The following TREML2 variants were observed in gnomAD, a reference collection of about 807,000 sequenced individuals.
The protein encoded by TREML2 is triggering receptor expressed on myeloid cells like 2, also known as trem-like transcript 2 protein.
TREML2 carries 24 observed loss-of-function variants against 25.9 expected under a neutral mutation model. The ratio of observed to expected loss-of-function variants is 0.93; its 90% CI spans 0.67 to 1.30. The LOEUF (loss-of-function observed/expected upper bound fraction) is 1.30. Ranked by LOEUF, TREML2 falls within the 50% of genes most tolerant of loss-of-function variation. The pLI is 0.00. For missense variants in TREML2, 359 were observed against 395.6 expected, an observed-to-expected ratio of 0.91 and a Z score of 0.78; for synonymous variants, 139 against 155.2, an observed-to-expected ratio of 0.90 and a Z score of 0.77.
At chr6:41,195,238 G>A (rs896386037) in intron 2 of TREML2, among the ~76,000 whole-genome samples, 7 of 152,272 alleles carry the variant, frequency 4.6e-5, no homozygotes, top group African/African-American at 1.7e-4. Context: ...CAGAGATGAG[G>A]ACAAGGAGGC....
In TREML2 at chr6:41,191,421, T is replaced by C. The variant is rs1450217422; in HGVS notation, c.*1006A>G. The C allele has an allele frequency of 6.6e-6, 1 of 152,268 alleles. No individual in the cohort carries two copies. Among genetic ancestry groups the C allele is most frequent in the Non-Finnish European group, 1.5e-5 (1 of 68,162 alleles). 9.4% of individuals were successfully genotyped at this position (152,268 alleles called of 1,614,324 possible). On this transcript the variant is annotated 3_prime_UTR_variant, in exon 5 of 5. Coordinates refer to ENST00000483722, the MANE Select transcript of TREML2 (RefSeq NM_024807.4). ...GCCAGTCCTCCAGGCCGTGGTCAGTTCCAAGTTACTGTCTTCACTGTGTCC... is the reference window on the plus strand; with the variant it reads ...GCCAGTCCTCCAGGCCGTGGTCAGTCCCAAGTTACTGTCTTCACTGTGTCC...
At chr6:41,196,582 A>G (rs982457649) in intron 2 of TREML2, among the ~76,000 whole-genome samples, 3 of 152,216 alleles carry the variant, frequency 2.0e-5, no homozygotes, top group African/African-American at 7.2e-5. Context: ...TATAGTATAA[A>G]GCTCAGTGGT....
intron 2 of TREML2, among the ~76,000 whole-genome samples, chr6:41,196,521 T>C (rs896622574): frequency 6.6e-6 from 1 of 152,234 alleles, no homozygotes; most frequent in African/African-American, 2.4e-5. Context: ...GGAGAGCTTT[T>C]AGATCTTGAT....
intron 2 of TREML2, among the ~76,000 whole-genome samples, chr6:41,195,435 G>A (rs1582097227): frequency 6.6e-6 from 1 of 152,306 alleles, no homozygotes; most frequent in East Asian, 1.9e-4. Context: ...GAGGAGCTGT[G>A]AGGCATCAAC....
rs140536493 is a variant in TREML2, at chr6:41,196,970, C to T, written c.376+1139G>A. 4.4e-3 allele frequency among the ~76,000 whole-genome samples: 663 copies of T among 152,292 alleles called. 1 individual carries two copies. The highest frequency in any genetic ancestry group is 6.2e-3 in the Non-Finnish European group (423 of 68,022). On this transcript the variant is annotated intron_variant, in intron 2 of 4. Coordinates refer to ENST00000483722, the MANE Select transcript of TREML2 (RefSeq NM_024807.4). ...TAGCTCCTCTTTCAGATTTACCCTACGCTATCAATGGTACCATCATCCACC... is the reference window on the plus strand; with the variant it reads ...TAGCTCCTCTTTCAGATTTACCCTATGCTATCAATGGTACCATCATCCACC...
chr6:41,199,785 G>A (rs1245252533), intron 1 of TREML2, among the ~76,000 whole-genome samples: 1 of 152,170 alleles, frequency 6.6e-6, no homozygotes, highest in Non-Finnish European at 1.5e-5. Flanking sequence ...ATAAACAAGG[G>A]TTGAAACCCT....
At chr6:41,200,782 C>T (rs1042989405) in intron 1 of TREML2, among the ~76,000 whole-genome samples, 172 bp downstream of exon 1, 7 of 152,182 alleles carry the variant, frequency 4.6e-5, no homozygotes, top group Non-Finnish European at 2.9e-5. Flanking sequence ...GGGTTAGCTT[C>T]GCCTGGGGCC....
In TREML2 at chr6:41,198,326, C is replaced by A; in HGVS notation, c.159G>T (p.Lys53Asn). ...TCTTCTTCCTGATTTTGCACCAAACCTTGCCCTCCACGCGGTTTTTGTAGC... is the reference window on the plus strand; with the variant it reads ...TCTTCTTCCTGATTTTGCACCAAACATTGCCCTCCACGCGGTTTTTGTAGC... ...YKGYKNRVEG[K>N]VWCKIRKKKC... The change falls in exon 2 of 5, where the codon AAG becomes AAT. Residue 53 changes from lysine (K) to asparagine (N), a missense_variant. By Grantham distance (94) the Lys-to-Asn change is moderately conservative (BLOSUM62 0). Transcript: ENST00000483722. The A allele has an allele frequency of 1.9e-6, 3 of 1,614,194 alleles. No homozygotes were observed. Among genetic ancestry groups the A allele is most frequent in the Non-Finnish European group, 2.5e-6 (3 of 1,179,996 alleles).
At position 41,192,503 on chromosome 6, in the gene TREML2, T is replaced by C. The variant is rs375541212; in HGVS notation, c.890A>G (p.Tyr297Cys). The change falls in exon 5 of 5, where the codon TAC (tyrosine) becomes TGC (cysteine). Residue 297 changes from tyrosine (Y) to cysteine (C), a missense_variant. By Grantham distance (194) the Tyr-to-Cys change is radical. Transcript: ENST00000483722. ...GFWKKRHMAS[Y>C]SMCSDPSTRD... ...TGTAGAAGGATCGCTGCACATGCTG[T>C]AGCCTGCAAGAAACAGGGAGAGCTG... is the stretch of plus-strand genomic sequence containing the variant. 4 of 1,613,650 alleles carry C rather than the reference T, an allele frequency of 2.5e-6. No individual in the cohort carries two copies. The African/African-American group carries it at 4.0e-5, about 16-fold the overall frequency.
Position 41,191,937 on chromosome 6 carries a change from A to G in TREML2, c.*490T>C. 6.1e-6 allele frequency: 1 copy of G among 163,858 alleles called. No homozygotes were observed. Among genetic ancestry groups the G allele is most frequent in the Non-Finnish European group, 1.4e-5 (1 of 74,052 alleles). 10.2% of individuals were successfully genotyped at this position (163,858 alleles called of 1,614,324 possible). ...TAGTCACTGTTTCCTCTCCTCCAGG[A>G]TGGGACATCACTGCCTCTGGCATTC... On this transcript the variant is annotated 3_prime_UTR_variant, in exon 5 of 5. Coordinates refer to ENST00000483722, the MANE Select transcript of TREML2 (RefSeq NM_024807.4).
chr6:41,199,486 A>G (rs1766237912), intron 1 of TREML2, among the ~76,000 whole-genome samples: 1 of 152,228 alleles, frequency 6.6e-6, no homozygotes, highest in South Asian at 2.1e-4. Context: ...GGATTCTACA[A>G]TTATTCACTT....
At position 41,190,164 on chromosome 6, in the gene TREML2, C is replaced by G. The variant is rs780422185; in HGVS notation, c.*2263G>C. 4.6e-5 allele frequency: 7 copies of G among 152,056 alleles called. No homozygotes were observed. Among genetic ancestry groups the G allele is most frequent in the Non-Finnish European group, 8.8e-5 (6 of 68,016 alleles). 9.4% of individuals were successfully genotyped at this position (152,056 alleles called of 1,614,324 possible). A position where few individuals can be genotyped will look rare whatever the true frequency, so the allele number is the denominator to read the frequency against. On this transcript the variant is annotated 3_prime_UTR_variant, in exon 5 of 5. Coordinates refer to ENST00000483722, the MANE Select transcript of TREML2 (RefSeq NM_024807.4). ...GTTCTTTTGTTTAAAAGAATTCTAC[C>G]GAGAACCCACCCTAACTGCCTGCCT...
chr6:41,191,169 CTGTGTGTGTGTGTGTGTGTG>C lies in TREML2; in HGVS notation c.*1238_*1257del, dbSNP rs1179546033. ...CCAGTCACTCCAGGTCAGTAGACACCTGTGTGTGTGTGTGTGTGTGTGTGTGTGTGTGTGTGTGTGTGTGT... is the reference window on the plus strand; with the variant it reads ...CCAGTCACTCCAGGTCAGTAGACACCTGTGTGTGTGTGTGTGTGTGTGTGT... On this transcript the variant is annotated 3_prime_UTR_variant, in exon 5 of 5. Transcript: ENST00000483722. The C allele has an allele frequency of 1.5e-4, 18 of 117,328 alleles. No individual in the cohort carries two copies. The highest frequency in any genetic ancestry group is 4.6e-3 in the Middle Eastern group (1 of 218). The allele number at this position is 117,328 out of a possible 1,614,324, so 7.3% of individuals were successfully genotyped here. A position where few individuals can be genotyped will look rare whatever the true frequency, so the allele number is the denominator to read the frequency against.
Position 41,194,412 on chromosome 6 carries a change from G to A in TREML2, c.785+13C>T, listed in dbSNP as rs779213711. On this transcript the variant is annotated intron_variant, in intron 3 of 4. Transcript: ENST00000483722. The stretch of plus-strand genomic sequence containing the variant: ...AAGTGCTGGTGCCACTCAACCCCAG[G>A]CCCCACAGGTACCTGATGGAGGGCA... The A allele has an allele frequency of 1.4e-5, 22 of 1,539,110 alleles. No homozygotes were observed. The highest frequency in any genetic ancestry group is 1.3e-4 in the South Asian group (11 of 82,610).
chr6:41,200,898 A>G lies in TREML2; in HGVS notation c.55+56T>C. The stretch of plus-strand genomic sequence containing the variant: ...TAAGGAGGGTAAGAAAAAGGCCCTG[A>G]GCTCCTGCCTCTGTACCCACTCCCT... On this transcript the variant is annotated intron_variant, in intron 1 of 4. Coordinates refer to ENST00000483722, the MANE Select transcript of TREML2 (RefSeq NM_024807.4). 4 of 1,427,506 alleles carry G rather than the reference A, an allele frequency of 2.8e-6. No homozygotes were observed. In the South Asian group the frequency reaches 5.9e-5, roughly 21 times the overall value. 88.4% of individuals were successfully genotyped at this position (1,427,506 alleles called of 1,614,324 possible). A position where few individuals can be genotyped will look rare whatever the true frequency, so the allele number is the denominator to read the frequency against.
chr6:41,192,966 G>A, intron 3 of TREML2, 65 bp from the exon 4 acceptor site: 1 of 1,349,620 alleles, frequency 7.4e-7, no homozygotes, highest in East Asian at 2.5e-5. Flanking sequence ...CCCACGTTGG[G>A]ATCGGACCAG....
chr6:41,196,117 C>T (rs749425813), intron 2 of TREML2, among the ~76,000 whole-genome samples: 2 of 152,148 alleles, frequency 1.3e-5, no homozygotes, highest in Non-Finnish European at 2.9e-5. Flanking sequence ...GAAATCTTCA[C>T]AAATTGTCCT....
chr6:41,192,488 T>C lies in TREML2; in HGVS notation c.905A>G (p.Asp302Gly), dbSNP rs1342041054. The change falls in exon 5 of 5, where the codon GAT becomes GGT. Residue 302 changes from aspartate to glycine, a missense_variant. Transcript: ENST00000483722. ...RHMASYSMCSDPSTRDPPGRP... is the reference protein window; with the variant it reads ...RHMASYSMCSGPSTRDPPGRP... ...TCCAGGTGGGTCACGTGTAGAAGGA[T>C]CGCTGCACATGCTGTAGCCTGCAAG... is the stretch of plus-strand genomic sequence containing the variant. 1 of 1,613,918 alleles carries C rather than the reference T, an allele frequency of 6.2e-7. No homozygotes were observed. The highest frequency in any genetic ancestry group is 1.1e-5 in the South Asian group (1 of 91,054).
intron 1 of TREML2, among the ~76,000 whole-genome samples, 191 bp from the exon 2 acceptor site, chr6:41,198,620 A>T (rs1766221570): frequency 6.6e-6 from 1 of 152,172 alleles, no homozygotes; most frequent in African/African-American, 2.4e-5. Flanking sequence ...TGGGCCCTGA[A>T]AACAGCTAGC....
Sources: gnomAD v4.1 joint callset for allele counts (sites outside exome capture counted in the v4.1 genomes callset) on GRCh38, gnomAD v4.1.1 for gene constraint, MANE v1.5 for transcripts, NCBI Gene and HGNC (gene_info 2026-07-23, HGNC 2026-07-21) for gene names.